The following STYK1 variants were observed in gnomAD, a reference collection of about 807,000 sequenced individuals.
STYK1 encodes tyrosine-protein kinase STYK1.
In STYK1, 46 loss-of-function variants were observed where a neutral mutation model predicts 48.1. The ratio of observed to expected loss-of-function variants is 0.96; its 90% confidence interval spans 0.75 to 1.22. The LOEUF (loss-of-function observed/expected upper bound fraction) is 1.22. Among genes scored for constraint, STYK1 ranks in the 50% most tolerant of loss-of-function variants. The pLI is 0.00. For synonymous variants in STYK1, 188 were observed against 189.0 expected, an observed-to-expected ratio of 0.99 and a Z score of 0.04; for missense variants, 527 against 521.1, an observed-to-expected ratio of 1.01 and a Z score of -0.11.
chr12:10,669,091 C>A lies in STYK1; in HGVS notation c.-195+4875G>T, dbSNP rs555378525. On this transcript the variant is annotated intron_variant, in intron 1 of 10. Transcript: ENST00000075503. ...TTTGTTCATTGCTGTATCCCTAGCA[C>A]CAAGAGCAGTGTCTGGCATATATCA... Among the ~76,000 whole-genome samples, 3 of 152,238 alleles carry A rather than the reference C, an allele frequency of 2.0e-5. No homozygotes were observed. In the South Asian group the frequency reaches 6.2e-4, roughly 32 times the overall value.
chr12:10,627,523 T>A, intron 7 of STYK1, 118 bp downstream of exon 7: 2 of 877,288 alleles, frequency 2.3e-6, no homozygotes, highest in East Asian at 5.5e-5. Flanking sequence ...CTAACTTCTA[T>A]CTAATTTTCT....
chr12:10,663,637 A>AAAAAT (rs1947802830), intron 1 of STYK1, among the ~76,000 whole-genome samples: 3 of 125,070 alleles, frequency 2.4e-5, no homozygotes, highest in Non-Finnish European at 4.9e-5. Context: ...AAAAAAAAAA[A>AAAAAT]TCATTAAGTG....
At chr12:10,670,277 A>G (rs1947877896) in intron 1 of STYK1, among the ~76,000 whole-genome samples, 2 of 152,172 alleles carry the variant, frequency 1.3e-5, no homozygotes, top group Non-Finnish European at 2.9e-5. Flanking sequence ...TGCTGTCTGC[A>G]CGCCATGTTT....
At position 10,624,710 on chromosome 12, in the gene STYK1, A is replaced by C. The variant is rs1947336144; in HGVS notation, c.867T>G (p.Pro289=). The C allele has an allele frequency of 1.2e-6, 2 of 1,614,132 alleles. No individual in the cohort carries two copies. Among genetic ancestry groups the C allele is most frequent in the Non-Finnish European group, 1.7e-6 (2 of 1,180,030 alleles). ...GCCGTTCTGGGGCAAGCCACTTGAGAGGTATGGTTTGAGTAGAGGAGATGG... is the reference window on the plus strand; with the variant it reads ...GCCGTTCTGGGGCAAGCCACTTGAGCGGTATGGTTTGAGTAGAGGAGATGG... ...RGAISSTQTI[P]LKWLAPERLL... is the part of the protein sequence containing the mutation. The change falls in exon 8 of 11, where the codon CCT becomes CCG. Residue 289 remains proline (P), a synonymous_variant. Transcript: ENST00000075503.
chr12:10,622,017 T>G (rs754916939), intron 9 of STYK1, 45 bp from the exon 10 acceptor site: 29 of 1,545,862 alleles, frequency 1.9e-5, no homozygotes, highest in Non-Finnish European at 2.4e-5. Context: ...CTCTAAAATA[T>G]GAACTGTAAC....
intron 1 of STYK1, among the ~76,000 whole-genome samples, chr12:10,661,572 G>A (rs1472616357): frequency 1.3e-5 from 2 of 152,186 alleles, no homozygotes; most frequent in Non-Finnish European, 2.9e-5. Context: ...TTATGGCACC[G>A]GTTATAACAG....
chr12:10,661,455 C>T (rs1262387707), intron 1 of STYK1, among the ~76,000 whole-genome samples: 2 of 152,210 alleles, frequency 1.3e-5, no homozygotes, highest in African/African-American at 4.8e-5. Flanking sequence ...CCAAGTGAAG[C>T]AATCTGCTTT....
At chr12:10,667,768 C>T (rs540614040) in intron 1 of STYK1, among the ~76,000 whole-genome samples, 3 of 152,160 alleles carry the variant, frequency 2.0e-5, no homozygotes, top group Non-Finnish European at 2.9e-5. Context: ...AGCTTGGATA[C>T]GACTTAGACT....
chr12:10,658,667 T>G (rs1403825776), intron 1 of STYK1, among the ~76,000 whole-genome samples: 1 of 152,154 alleles, frequency 6.6e-6, no homozygotes, highest in Non-Finnish European at 1.5e-5. Context: ...AGAGACATAT[T>G]TGGCTTAATG....
At chr12:10,663,049 T>C (rs1195195787) in intron 1 of STYK1, among the ~76,000 whole-genome samples, 2 of 152,234 alleles carry the variant, frequency 1.3e-5, no homozygotes, top group African/African-American at 4.8e-5. Context: ...GAATATCCAA[T>C]TGTCCCAGCA....
chr12:10,635,266 A>G (rs1947474091), intron 2 of STYK1, among the ~76,000 whole-genome samples: 1 of 152,234 alleles, frequency 6.6e-6, no homozygotes, highest in African/African-American at 2.4e-5. Flanking sequence ...AATTACAGGC[A>G]TGAGCTACCA....
intron 1 of STYK1, among the ~76,000 whole-genome samples, chr12:10,662,395 C>T (rs897911922): frequency 6.6e-6 from 1 of 152,176 alleles, no homozygotes; most frequent in Non-Finnish European, 1.5e-5. Context: ...AGTGAAATTG[C>T]TGATATGGTA....
intron 1 of STYK1, among the ~76,000 whole-genome samples, chr12:10,667,955 C>T (rs952458452): frequency 6.6e-6 from 1 of 152,110 alleles, no homozygotes; most frequent in African/African-American, 2.4e-5. Flanking sequence ...GTGAGAACAA[C>T]TGCAGGAAAT....
chr12:10,648,513 T>G (rs994848086), intron 1 of STYK1, among the ~76,000 whole-genome samples: 2 of 152,032 alleles, frequency 1.3e-5, no homozygotes, highest in African/African-American at 4.8e-5. Context: ...GGAAGCATGT[T>G]GAACTAAGAT....
In STYK1 at chr12:10,619,669, T is replaced by G. The variant is rs745715950; in HGVS notation, c.*475A>C. On this transcript the variant is annotated 3_prime_UTR_variant, in exon 11 of 11. Coordinates refer to ENST00000075503, the MANE Select transcript of STYK1 (RefSeq NM_018423.3). ...GAAGAACTTTGTGTCCTACCACCTT[T>G]TCTTGAAGGAGGTGTTGGTCCATAT... The G allele has an allele frequency of 5.2e-6, 1 of 192,712 alleles. No homozygotes were observed. Among genetic ancestry groups the G allele is most frequent in the East Asian group, 1.3e-4 (1 of 7,988 alleles). The allele number at this position is 192,712 out of a possible 1,614,324, so 11.9% of individuals were successfully genotyped here.
At chr12:10,673,123 G>GA (rs1189140529) in intron 1 of STYK1, among the ~76,000 whole-genome samples, 1 of 152,026 alleles carries the variant, frequency 6.6e-6, no homozygotes, top group East Asian at 1.9e-4. Flanking sequence ...AGAAAGGGGG[G>GA]ATGAAGGGTT....
At chr12:10,625,901 C>A (rs765226324) in intron 7 of STYK1, among the ~76,000 whole-genome samples, 10 of 152,154 alleles carry the variant, frequency 6.6e-5, no homozygotes, top group Non-Finnish European at 1.2e-4. Flanking sequence ...GTACAGCCAA[C>A]AGAGCATCGG....
intron 10 of STYK1, 85 bp from the exon 11 acceptor site, chr12:10,620,433 A>T (rs1287678001): frequency 4.8e-6 from 6 of 1,241,734 alleles, no homozygotes; most frequent in Non-Finnish European, 6.9e-6. Flanking sequence ...ACTTTAACAA[A>T]CAACTCTGCA....
At chr12:10,628,877 C>A (rs17742332) in intron 6 of STYK1, among the ~76,000 whole-genome samples, 45,927 of 151,878 alleles carry the variant, frequency 0.3, 7,804 homozygotes, top group Non-Finnish European at 0.4. Flanking sequence ...TTAATAACTG[C>A]AACAAAATTA....
Sources: gnomAD v4.1 joint callset for allele counts (sites outside exome capture counted in the v4.1 genomes callset) on GRCh38, gnomAD v4.1.1 for gene constraint, MANE v1.5 for transcripts, NCBI Gene and HGNC (gene_info 2026-07-23, HGNC 2026-07-21) for gene names.